RIMS2: variants seen among roughly 807,000 people sequenced by gnomAD.
RIMS2 encodes regulating synaptic membrane exocytosis protein 2.
RIMS2 carries 59 observed loss-of-function variants against 174.4 expected under a neutral mutation model. The ratio of observed to expected loss-of-function variants is 0.34; its 90% CI spans 0.27 to 0.42. The LOEUF (loss-of-function observed/expected upper bound fraction) is 0.42, where lower values mean the gene tolerates loss of function less well. Among genes scored for constraint, RIMS2 ranks in the 10% least tolerant of loss-of-function variants. The pLI, the probability that RIMS2 is intolerant of heterozygous loss-of-function variation, is 1.00. For synonymous variants in RIMS2, 606 were observed against 572.5 expected (o/e 1.06, Z -0.84); for missense variants, 1,620 against 1,666.3 (o/e 0.97, Z 0.48).
chr8:103,519,779 C>G (rs1403521358), intron 1 of RIMS2, among the ~76,000 whole-genome samples: 2 of 147,972 alleles, frequency 1.4e-5, no homozygotes, highest in Non-Finnish European at 3.0e-5. Context: ...TTACCAGAGC[C>G]AGAAACATTA....
intron 1 of RIMS2, among the ~76,000 whole-genome samples, chr8:103,581,393 A>G (rs1438283512): frequency 6.6e-6 from 1 of 152,236 alleles, no homozygotes; most frequent in Non-Finnish European, 1.5e-5. Flanking sequence ...ATTTCAATAG[A>G]TGCTGAAAAA....
chr8:103,829,173 A>G (rs1314934290), intron 3 of RIMS2, among the ~76,000 whole-genome samples: 2 of 151,710 alleles, frequency 1.3e-5, no homozygotes, highest in African/African-American at 2.4e-5. Context: ...AGAGAAATGC[A>G]AAGCAAAACC....
chr8:103,744,342 C>G (rs1045759219), intron 2 of RIMS2, among the ~76,000 whole-genome samples: 2 of 152,150 alleles, frequency 1.3e-5, no homozygotes, highest in African/African-American at 4.8e-5. Context: ...CCACGCCCAG[C>G]TAGGATTTTT....
At chr8:103,908,615 A>T (rs2075018247) in intron 4 of RIMS2, among the ~76,000 whole-genome samples, 3 of 152,154 alleles carry the variant, frequency 2.0e-5, no homozygotes. Flanking sequence ...TTAATGCCAG[A>T]AACCGGGGAG....
chr8:104,058,074 G>A (rs1294365969), intron 19 of RIMS2, among the ~76,000 whole-genome samples: 1 of 150,428 alleles, frequency 6.6e-6, no homozygotes, highest in East Asian at 2.0e-4. Context: ...AGTCCTTTGG[G>A]TATATACCCA....
chr8:103,613,255 A>G (rs967822780), intron 1 of RIMS2, among the ~76,000 whole-genome samples: 23 of 152,284 alleles, frequency 1.5e-4, no homozygotes, highest in African/African-American at 5.5e-4. Flanking sequence ...CTTAAACCAC[A>G]ATATAAAGTC....
intron 19 of RIMS2, among the ~76,000 whole-genome samples, chr8:104,075,079 A>G: frequency 6.6e-6 from 1 of 152,158 alleles, no homozygotes; most frequent in Non-Finnish European, 1.5e-5. Context: ...CTTAGGGAGA[A>G]AAATTGAGCT....
intron 1 of RIMS2, among the ~76,000 whole-genome samples, chr8:103,638,079 GTA>G (rs56171928): frequency 0.12 from 18,858 of 152,020 alleles, 1,258 homozygotes; most frequent in Middle Eastern, 0.22. Flanking sequence ...AATTTTGATC[GTA>G]TAGTTAGAGT....
chr8:104,026,647 G>A (rs1264706570), intron 19 of RIMS2, among the ~76,000 whole-genome samples: 1 of 144,154 alleles, frequency 6.9e-6, no homozygotes, highest in East Asian at 2.0e-4. Flanking sequence ...AAGAGGAGAG[G>A]GGGAAAAATA....
intron 1 of RIMS2, among the ~76,000 whole-genome samples, chr8:103,504,716 T>C (rs1374375129): frequency 6.6e-6 from 1 of 152,110 alleles, no homozygotes; most frequent in African/African-American, 2.4e-5. Context: ...AATTAGTATA[T>C]ATTTAGCACA....
intron 19 of RIMS2, among the ~76,000 whole-genome samples, chr8:104,125,024 G>T (rs937713061): frequency 5.9e-5 from 9 of 152,130 alleles, no homozygotes; most frequent in Non-Finnish European, 1.3e-4. Flanking sequence ...GGCAGTGGAG[G>T]TGGTAAGCAG....
At chr8:104,225,920 C>A (rs1399370671) in intron 19 of RIMS2, among the ~76,000 whole-genome samples, 1 of 152,058 alleles carries the variant, frequency 6.6e-6, no homozygotes, top group Non-Finnish European at 1.5e-5. Flanking sequence ...TTTGATTTTG[C>A]GATTCTCTTA....
intron 3 of RIMS2, among the ~76,000 whole-genome samples, chr8:103,801,377 T>C (rs2098606761): frequency 6.6e-6 from 1 of 152,242 alleles, no homozygotes; most frequent in Non-Finnish European, 1.5e-5. Context: ...ATGGATATTT[T>C]TACAGTCTAG....
At chr8:103,969,920 TG>T (rs1309525926) in intron 15 of RIMS2, among the ~76,000 whole-genome samples, 1 of 152,156 alleles carries the variant, frequency 6.6e-6, no homozygotes. Context: ...AGTTTATTTT[TG>T]TATTTTTTAG....
intron 19 of RIMS2, among the ~76,000 whole-genome samples, chr8:104,066,000 C>T (rs1434803279): frequency 6.6e-6 from 1 of 152,156 alleles, no homozygotes; most frequent in Non-Finnish European, 1.5e-5. Flanking sequence ...TAAACCATTT[C>T]TAAAGAGAAA....
intron 19 of RIMS2, among the ~76,000 whole-genome samples, chr8:104,125,108 G>T (rs1168860817): frequency 6.6e-6 from 1 of 152,006 alleles, no homozygotes; most frequent in Non-Finnish European, 1.5e-5. Flanking sequence ...GAATTGTGTT[G>T]TGCTGCCCGT....
intron 19 of RIMS2, among the ~76,000 whole-genome samples, chr8:104,185,530 T>C (rs1427181839): frequency 6.6e-6 from 1 of 151,518 alleles, no homozygotes; most frequent in Non-Finnish European, 1.5e-5. Flanking sequence ...AGATAGAAAT[T>C]AAAGAAATTT....
chr8:103,751,094 T>C (rs13439565), intron 2 of RIMS2, among the ~76,000 whole-genome samples: 35,009 of 152,074 alleles, frequency 0.23, 4,361 homozygotes, highest in Non-Finnish European at 0.25. Flanking sequence ...TCCACCAGGA[T>C]TGTGAGGCCT....
intron 19 of RIMS2, among the ~76,000 whole-genome samples, chr8:104,212,485 G>A (rs1215878919): frequency 1.3e-5 from 2 of 152,160 alleles, no homozygotes; most frequent in Non-Finnish European, 2.9e-5. Context: ...TGCTCAGAGG[G>A]CAAATAAGAT....
Sources: allele counts gnomAD v4.1 joint callset (sites outside exome capture counted in the v4.1 genomes callset), GRCh38; gene constraint gnomAD v4.1.1; transcripts MANE v1.5; gene names NCBI Gene and HGNC (gene_info 2026-07-23, HGNC 2026-07-21).